C2CD2: variants seen among roughly 807,000 people sequenced by gnomAD.
C2CD2 encodes C2 domain-containing protein 2.
In C2CD2, 43 loss-of-function variants were observed where a neutral mutation model predicts 74.3. The ratio of observed to expected loss-of-function variants is 0.58; its 90% CI spans 0.45 to 0.75. C2CD2 has a LOEUF of 0.75. Ranked by LOEUF, C2CD2 falls within the 30% of genes least tolerant of loss-of-function variation. The pLI is 0.00. For missense variants in C2CD2, 801 were observed against 916.3 expected (o/e 0.87, Z 1.63); for synonymous variants, 422 against 390.7 (o/e 1.08, Z -0.94).
At chr21:41,915,380 C>G (rs2065077504) in intron 5 of C2CD2, among the ~76,000 whole-genome samples, 1 of 152,186 alleles carries the variant, frequency 6.6e-6, no homozygotes, top group South Asian at 2.1e-4. Context: ...TCTGGAAGAG[C>G]CCAGCTTCAA....
At position 41,899,759 on chromosome 21, in the gene C2CD2, G is replaced by C. The variant is rs762626554; in HGVS notation, c.1561-397C>G. Among the ~76,000 whole-genome samples the C allele has an allele frequency of 2.0e-5, 3 of 152,152 alleles. No individual in the cohort carries two copies. Among genetic ancestry groups the C allele is most frequent in the Non-Finnish European group, 4.4e-5 (3 of 68,020 alleles). ...GGGTGTTTCGGGTTTAGCTGTCTTT[G>C]TTCCTACACGTTTATGTTACCTGCA... On this transcript the variant is annotated intron_variant, in intron 12 of 13. Coordinates refer to ENST00000380486, the MANE Select transcript of C2CD2 (RefSeq NM_015500.2). This position sits in a 1 kb window ranked among gnomAD's most constrained non-coding sequence, Gnocchi z 4.4.
intron 2 of C2CD2, among the ~76,000 whole-genome samples, chr21:41,937,596 CT>C (rs1367674241): frequency 6.6e-6 from 1 of 152,136 alleles, no homozygotes. Flanking sequence ...GTCAGTGCCC[CT>C]AACCCTCATG....
Position 41,907,706 on chromosome 21 carries a change from C to T in C2CD2, c.1097G>A (p.Ser366Asn). 4.3e-6 allele frequency: 7 copies of T among 1,613,054 alleles called. No homozygotes were observed. The highest frequency in any genetic ancestry group is 5.9e-6 in the Non-Finnish European group (7 of 1,179,854). ...CACCGAGCTGCCGCAGGCAGACCCGCTGGTCAGCGTGAAGCTCTGTGGCCC... is the reference window on the plus strand; with the variant it reads ...CACCGAGCTGCCGCAGGCAGACCCGTTGGTCAGCGTGAAGCTCTGTGGCCC... ...PSGPQSFTLTSGSACGSSVLG... is the reference protein window; with the variant it reads ...PSGPQSFTLTNGSACGSSVLG... Residue 366 changes from serine to asparagine, a missense_variant, in exon 9 of 14, where the codon AGC becomes AAC. Coordinates refer to ENST00000380486, the MANE Select transcript of C2CD2 (RefSeq NM_015500.2).
At chr21:41,891,963 A>T (rs1569052406) in intron 13 of C2CD2, among the ~76,000 whole-genome samples, 1 of 152,156 alleles carries the variant, frequency 6.6e-6, no homozygotes, top group Non-Finnish European at 1.5e-5. Context: ...GGACAATGTT[A>T]TGGGCTGAAC....
In C2CD2 at chr21:41,905,827, C is replaced by T. The variant is rs1442376476; in HGVS notation, c.1329G>A (p.Val443=). ...TCACCTTCACCTTGATGGGAGTCTT[C>T]ACCGGAGAATCTGCCAGAGGAAGAT... ...RASPLSSDSP[V]KTPIKVKVIE... is the part of the protein sequence containing the mutation. Residue 443 remains valine, a synonymous_variant, in exon 11 of 14, where the codon GTG becomes GTA. Transcript: ENST00000380486. The T allele has an allele frequency of 6.3e-7, 1 of 1,582,146 alleles. No homozygotes were observed. Among genetic ancestry groups the T allele is most frequent in the Non-Finnish European group, 8.7e-7 (1 of 1,150,880 alleles).
rs376983266 is a variant in C2CD2 at position 41,953,442 on chromosome 21, C to A, written c.207G>T (p.Thr69=). The change falls in exon 1 of 14, where the codon ACG becomes ACT. Residue 69 remains threonine, a synonymous_variant. Coordinates refer to ENST00000380486, the MANE Select transcript of C2CD2 (RefSeq NM_015500.2). ...GSDALLSWIL[T]LGSWRSQWQA... ...GCCACTGGCTCCTCCAGCTGCCCAG[C>A]GTCAGGATCCAGGAGAGCAGCGCGT... The A allele has an allele frequency of 2.3e-4, 331 of 1,465,496 alleles. No individual in the cohort carries two copies. The highest frequency in any genetic ancestry group is 3.6e-4 in the Middle Eastern group (2 of 5,576). 90.8% of individuals were successfully genotyped at this position (1,465,496 alleles called of 1,614,324 possible). A position where few individuals can be genotyped will look rare whatever the true frequency, so the allele number is the denominator to read the frequency against.
chr21:41,939,855 A>G lies in C2CD2; in HGVS notation c.378+2292T>C, dbSNP rs1442694438. Among the ~76,000 whole-genome samples the G allele has an allele frequency of 6.6e-6, 1 of 152,222 alleles. No individual in the cohort carries two copies. Among genetic ancestry groups the G allele is most frequent in the Non-Finnish European group, 1.5e-5 (1 of 68,040 alleles). The stretch of plus-strand genomic sequence containing the variant: ...TACTTGGTCAAGCTGAAGTATGCAC[A>G]CCAGTGACCCGCCAGGCTCATGCCT... On this transcript the variant is annotated intron_variant, in intron 2 of 13. Coordinates refer to ENST00000380486, the MANE Select transcript of C2CD2 (RefSeq NM_015500.2). This position sits in a 1 kb window ranked among gnomAD's most constrained non-coding sequence, Gnocchi z 5.5.
rs553747435 is a variant in C2CD2, at chr21:41,924,612, T to G, written c.379-2527A>C. On this transcript the variant is annotated intron_variant, in intron 2 of 13. Coordinates refer to ENST00000380486, the MANE Select transcript of C2CD2 (RefSeq NM_015500.2). The surrounding 1 kb of genome is among the most constrained non-coding windows in gnomAD (Gnocchi z 4.4). ...CGGAGGAACATGCTTTGTGGCCAGA[T>G]GAGTTACACGCACCAATGGCATGAC... Among the ~76,000 whole-genome samples the G allele has an allele frequency of 5.8e-4, 89 of 152,344 alleles. No individual in the cohort carries two copies. The highest frequency in any genetic ancestry group is 2.0e-3 in the African/African-American group (85 of 41,570).
intron 12 of C2CD2, among the ~76,000 whole-genome samples, chr21:41,900,481 T>C (rs1010624670): frequency 2.7e-4 from 41 of 152,202 alleles, no homozygotes; most frequent in African/African-American, 8.4e-4. Context: ...AAAACCCAAC[T>C]ACTGGGCCCC....
intron 2 of C2CD2, among the ~76,000 whole-genome samples, chr21:41,936,013 A>C (rs2065304559): frequency 6.6e-6 from 1 of 151,904 alleles, no homozygotes; most frequent in South Asian, 2.1e-4. Context: ...AAAACATAGA[A>C]GGAAAGCTTT....
intron 10 of C2CD2, 69 bp from the exon 11 acceptor site, chr21:41,905,906 G>A: frequency 1.2e-6 from 1 of 867,184 alleles, no homozygotes; most frequent in Non-Finnish European, 2.0e-6. Flanking sequence ...ACCGAAAAGT[G>A]AAAGGACAGC....
chr21:41,936,508 C>T (rs1479823408), intron 2 of C2CD2, among the ~76,000 whole-genome samples: 2 of 152,118 alleles, frequency 1.3e-5, no homozygotes, highest in Non-Finnish European at 2.9e-5. Context: ...TAAATTATTC[C>T]GGCCATTACA....
intron 12 of C2CD2, 60 bp downstream of exon 12, chr21:41,901,562 G>A (rs746390151): frequency 5.8e-5 from 92 of 1,583,182 alleles, no homozygotes; most frequent in Admixed American, 8.3e-5. Context: ...AAAGGGCAGA[G>A]GAGCAGCAGG....
In C2CD2 at chr21:41,892,921, C is replaced by T. The variant is rs1315721239; in HGVS notation, c.1871-3577G>A. Among the ~76,000 whole-genome samples, 1 of 152,252 alleles carries T rather than the reference C, an allele frequency of 6.6e-6. No homozygotes were observed. The highest frequency in any genetic ancestry group is 6.5e-5 in the Admixed American group (1 of 15,284). ...GCTGACGCAGCCCACCCGCAGGGCC[C>T]GGTGCCACGCCAGAGACGCGCGGTG... is the stretch of plus-strand genomic sequence containing the variant. On this transcript the variant is annotated intron_variant, in intron 13 of 13. Coordinates refer to ENST00000380486, the MANE Select transcript of C2CD2 (RefSeq NM_015500.2). This position sits in a 1 kb window ranked among gnomAD's most constrained non-coding sequence, Gnocchi z 4.6.
At chr21:41,948,894 T>TTTTTTTG in intron 1 of C2CD2, among the ~76,000 whole-genome samples, 1 of 115,052 alleles carries the variant, frequency 8.7e-6, no homozygotes, top group South Asian at 2.8e-4. Context: ...TTTTTTTTTC[T>TTTTTTTG]TTTTTTTTAC....
chr21:41,914,294 TAAAA>T (rs72131335), intron 6 of C2CD2, among the ~76,000 whole-genome samples: 6 of 134,886 alleles, frequency 4.4e-5, no homozygotes, highest in Admixed American at 7.4e-5. Context: ...GTTCAACAGT[TAAAA>T]AAAAAAAAAA....
chr21:41,914,545 G>C (rs2045453176), intron 6 of C2CD2, 53 bp downstream of exon 6: 4 of 1,566,672 alleles, frequency 2.6e-6, no homozygotes, highest in Admixed American at 3.5e-5. Flanking sequence ...CCCCGACTCT[G>C]CTCAGGGGCT....
intron 1 of C2CD2, among the ~76,000 whole-genome samples, chr21:41,948,899 T>TTTTTTTTTTTTTTTTTTG (rs2065426953): frequency 6.9e-6 from 1 of 144,278 alleles, no homozygotes; most frequent in Non-Finnish European, 1.5e-5. Context: ...TTTTCTTTTT[T>TTTTTTTTTTTTTTTTTTG]TTTACAAAGA....
At chr21:41,904,532 C>T (rs186104183) in intron 11 of C2CD2, among the ~76,000 whole-genome samples, 82 of 152,326 alleles carry the variant, frequency 5.4e-4, no homozygotes, top group African/African-American at 1.9e-3. Flanking sequence ...CAAGAACCCT[C>T]TCTTGGGGTC....
Sources: gnomAD v4.1 joint callset for allele counts (sites outside exome capture counted in the v4.1 genomes callset) on GRCh38, gnomAD v4.1.1 for gene constraint, Gnocchi (gnomAD v3.1) non-coding constraint, MANE v1.5 for transcripts, NCBI Gene and HGNC (gene_info 2026-07-23, HGNC 2026-07-21) for gene names.